The following KSR2 variants were observed in gnomAD, a reference collection of about 807,000 sequenced individuals.
KSR2 encodes kinase suppressor of ras 2.
KSR2 carries 25 observed loss-of-function variants against 107.8 expected under a neutral mutation model. The observed-to-expected ratio is 0.23, with a 90% CI of 0.17 to 0.32. The LOEUF (loss-of-function observed/expected upper bound fraction) is 0.32. Among genes scored for constraint, KSR2 ranks in the 10% least tolerant of loss-of-function variants. The pLI, the probability that KSR2 is intolerant of heterozygous loss-of-function variation, is 1.00. For missense variants in KSR2, 887 were observed against 1,268.9 expected (o/e 0.70, Z 4.57); for synonymous variants, 480 against 507.0 (o/e 0.95, Z 0.71).
chr12:117,786,229 T>C (rs1566013891), intron 3 of KSR2, among the ~76,000 whole-genome samples: 2 of 152,214 alleles, frequency 1.3e-5, no homozygotes, highest in Non-Finnish European at 1.5e-5. Context: ...AGAAGTATAT[T>C]TTTTCAATCG....
At chr12:117,562,331 A>G (rs917930784) in intron 7 of KSR2, among the ~76,000 whole-genome samples, 4 of 152,196 alleles carry the variant, frequency 2.6e-5, no homozygotes, top group Admixed American at 2.6e-4. Flanking sequence ...GGTGCTGTGA[A>G]GCCACTGAAG....
In KSR2 at chr12:117,504,189, CA is replaced by C. The variant is rs551463752; in HGVS notation, c.2220-18499del. Reference sequence around the variant, plus strand: ...AATAAATGTCCAGAGAGATTAAAAACATGGGTTCTGTGCCCCAAAAGTTGTC... The same window carrying C: ...AATAAATGTCCAGAGAGATTAAAAACTGGGTTCTGTGCCCCAAAAGTTGTC... On this transcript the variant is annotated intron_variant, in intron 14 of 19. Coordinates refer to ENST00000339824, the MANE Select transcript of KSR2 (RefSeq NM_173598.6). Among the ~76,000 whole-genome samples the C allele has an allele frequency of 3.5e-3, 537 of 152,314 alleles. 3 individuals carry two copies. The highest frequency in any genetic ancestry group is 5.6e-3 in the Non-Finnish European group (378 of 68,028).
chr12:117,909,913 AAG>A (rs149247504), intron 1 of KSR2, among the ~76,000 whole-genome samples: 20,329 of 149,984 alleles, frequency 0.14, 1,447 homozygotes, highest in East Asian at 0.19. Context: ...ATCTCAAAAA[AAG>A]AAAAAAAAAA....
Position 117,635,759 on chromosome 12 carries a change from A to T in KSR2, c.1171+31715T>A, listed in dbSNP as rs576099775. 2.0e-5 allele frequency among the ~76,000 whole-genome samples: 3 copies of T among 151,746 alleles called. No individual in the cohort carries two copies. In the East Asian group the frequency reaches 5.8e-4, roughly 29 times the overall value. On this transcript the variant is annotated intron_variant, in intron 5 of 19. Coordinates refer to ENST00000339824, the MANE Select transcript of KSR2 (RefSeq NM_173598.6). ...GTAACCTCTTACATAACCACAATAC[A>T]TCTGTCAAAACAAAGAAACCACATT...
chr12:117,766,231 G>A (rs897545059), intron 3 of KSR2, among the ~76,000 whole-genome samples: 5 of 152,196 alleles, frequency 3.3e-5, no homozygotes, highest in African/African-American at 1.2e-4. Flanking sequence ...AAAAAGGGAA[G>A]AAGTACTGAT....
chr12:117,926,603 C>T (rs1246755011), intron 1 of KSR2, among the ~76,000 whole-genome samples: 1 of 152,212 alleles, frequency 6.6e-6, no homozygotes, highest in Non-Finnish European at 1.5e-5. Flanking sequence ...ATCCATTCTC[C>T]TTGTCATATG....
At chr12:117,579,263 A>G in intron 6 of KSR2, 61 bp from the exon 7 acceptor site, 1 of 1,159,990 alleles carries the variant, frequency 8.6e-7, no homozygotes, top group Non-Finnish European at 1.3e-6. Context: ...CTATCTCTAG[A>G]GGGATGAAGT....
intron 3 of KSR2, among the ~76,000 whole-genome samples, chr12:117,763,290 T>A (rs1031345245): frequency 1.3e-5 from 2 of 151,346 alleles, no homozygotes; most frequent in East Asian, 3.9e-4. Context: ...CAGTCTATCA[T>A]TGTTGGACAT....
chr12:117,645,566 G>T (rs1206444283), intron 5 of KSR2, among the ~76,000 whole-genome samples: 1 of 152,148 alleles, frequency 6.6e-6, no homozygotes. Context: ...TAGCAGAATT[G>T]AGTTTACACC....
intron 4 of KSR2, among the ~76,000 whole-genome samples, chr12:117,755,548 T>C (rs982221124): frequency 6.6e-6 from 1 of 152,232 alleles, no homozygotes; most frequent in Non-Finnish European, 1.5e-5. Flanking sequence ...GTATGTGTTC[T>C]GACTGCTCCA....
rs112431252 is a variant in KSR2, at chr12:117,792,922, C to T, written c.473-31398G>A. Among the ~76,000 whole-genome samples, 678 of 146,512 alleles carry T rather than the reference C, an allele frequency of 4.6e-3. 8 individuals are homozygous for T. Among genetic ancestry groups the T allele is most frequent in the African/African-American group, 0.017 (661 of 39,626 alleles). Reference sequence around the variant, plus strand: ...GACCCTCACACCAACATGCACACACCCTCACACCAACATGCACACACGCTC... The same window carrying T: ...GACCCTCACACCAACATGCACACACTCTCACACCAACATGCACACACGCTC... On this transcript the variant is annotated intron_variant, in intron 3 of 19. Coordinates refer to ENST00000339824, the MANE Select transcript of KSR2 (RefSeq NM_173598.6).
chr12:117,581,754 G>A (rs1339026241), intron 6 of KSR2, among the ~76,000 whole-genome samples: 1 of 152,190 alleles, frequency 6.6e-6, no homozygotes, highest in Non-Finnish European at 1.5e-5. Context: ...ACCCAGCAGG[G>A]CTAGAGCTCT....
intron 14 of KSR2, among the ~76,000 whole-genome samples, chr12:117,498,993 A>G (rs551717320): frequency 6.6e-6 from 1 of 152,330 alleles, no homozygotes; most frequent in African/African-American, 2.4e-5. Flanking sequence ...CTGTCTTAAC[A>G]CATGAAATAG....
intron 4 of KSR2, among the ~76,000 whole-genome samples, chr12:117,740,349 T>C (rs1248861081): frequency 7.8e-6 from 1 of 128,176 alleles, no homozygotes; most frequent in Non-Finnish European, 1.7e-5. Context: ...TTATATATAC[T>C]ATATATAGTA....
chr12:117,787,331 A>T (rs1044156359), intron 3 of KSR2, among the ~76,000 whole-genome samples: 13 of 152,112 alleles, frequency 8.5e-5, no homozygotes, highest in African/African-American at 3.1e-4. Context: ...GGTAAATGAG[A>T]GATAAGAAGA....
At chr12:117,701,204 T>A (rs150767512) in intron 4 of KSR2, among the ~76,000 whole-genome samples, 127 of 152,318 alleles carry the variant, frequency 8.3e-4, no homozygotes, top group Middle Eastern at 3.4e-3. Flanking sequence ...TGGATTCTCC[T>A]GCCTCAGCTT....
At chr12:117,716,857 T>C (rs943520889) in intron 4 of KSR2, among the ~76,000 whole-genome samples, 7 of 152,230 alleles carry the variant, frequency 4.6e-5, no homozygotes, top group Non-Finnish European at 8.8e-5. Flanking sequence ...AAAAAATCTA[T>C]ACAAATGCAA....
At position 117,459,773 on chromosome 12, in the gene KSR2, T is replaced by G. The variant is rs975485340; in HGVS notation, c.*7426A>C. The G allele has an allele frequency of 2.0e-5, 3 of 152,260 alleles. No individual in the cohort carries two copies. Among genetic ancestry groups the G allele is most frequent in the African/African-American group, 7.2e-5 (3 of 41,468 alleles). 9.4% of individuals were successfully genotyped at this position (152,260 alleles called of 1,614,324 possible). A position where few individuals can be genotyped will look rare whatever the true frequency, so the allele number is the denominator to read the frequency against. On this transcript the variant is annotated 3_prime_UTR_variant, in exon 20 of 20. Coordinates refer to ENST00000339824, the MANE Select transcript of KSR2 (RefSeq NM_173598.6). ...GTGGTGTTCTTGTTCATGGAACCAC[T>G]GTCCACATGGATGGAATCGGGCTCT...
chr12:117,640,281 C>G (rs1220401780), intron 5 of KSR2, among the ~76,000 whole-genome samples: 1 of 151,666 alleles, frequency 6.6e-6, no homozygotes, highest in South Asian at 2.1e-4. Flanking sequence ...CTTGAAGGCT[C>G]GCTCTGTCAC....
Sources: gnomAD v4.1 joint callset for allele counts (sites outside exome capture counted in the v4.1 genomes callset) on GRCh38, gnomAD v4.1.1 for gene constraint, MANE v1.5 for transcripts, NCBI Gene and HGNC (gene_info 2026-07-23, HGNC 2026-07-21) for gene names.